The following DCT variants were observed in gnomAD, a reference collection of about 807,000 sequenced individuals.
DCT encodes the protein dopachrome tautomerase.
A neutral mutation model predicts 53.0 loss-of-function variants in DCT; 47 were observed. The ratio of observed to expected loss-of-function variants is 0.89; its 90% CI spans 0.70 to 1.13. The LOEUF is 1.13. Ranked by LOEUF, DCT falls within the 50% of genes most tolerant of loss-of-function variation. The pLI is 0.00. For synonymous variants in DCT, 244 were observed against 237.0 expected, an observed-to-expected ratio of 1.03 and a Z score of -0.27; for missense variants, 669 against 637.4, an observed-to-expected ratio of 1.05 and a Z score of -0.53.
rs767812669 is a variant in DCT at position 94,462,178 on chromosome 13, T to C, written c.875A>G (p.Tyr292Cys). Reference sequence around the variant, plus strand: ...ATTGCACAAGGTGACCAGGTGGTTGTAGTCATCCAAGCTAAGATTTGTAAT... The same window carrying C: ...ATTGCACAAGGTGACCAGGTGGTTGCAGTCATCCAAGCTAAGATTTGTAAT... ...WETVCDSLDDYNHLVTLCNGT... is the reference protein window; with the variant it reads ...WETVCDSLDDCNHLVTLCNGT... Residue 292 changes from tyrosine to cysteine, a missense_variant, in exon 5 of 8, where the codon TAC becomes TGC. Transcript: ENST00000377028. 5 of 1,612,016 alleles carry C rather than the reference T, an allele frequency of 3.1e-6. No homozygotes were observed. Among genetic ancestry groups the C allele is most frequent in the Non-Finnish European group, 4.2e-6 (5 of 1,178,448 alleles).
intron 6 of DCT, among the ~76,000 whole-genome samples, chr13:94,449,122 T>C (rs904081839): frequency 6.7e-6 from 1 of 150,362 alleles, no homozygotes; most frequent in Non-Finnish European, 1.5e-5. Flanking sequence ...GTAGAGGCCA[T>C]AATGGAAAAA....
At chr13:94,511,089 T>C in the DCT span, among the ~76,000 whole-genome samples, 2 of 152,214 alleles carry the variant, frequency 1.3e-5, no homozygotes, top group Non-Finnish European at 1.5e-5. Context: ...AAATCTCCTC[T>C]GTTTAAAAAT....
At chr13:94,458,210 G>A (rs184340152) in intron 6 of DCT, among the ~76,000 whole-genome samples, 1 of 152,146 alleles carries the variant, frequency 6.6e-6, no homozygotes, top group African/African-American at 2.4e-5. Flanking sequence ...ATAGAATCAG[G>A]AAGCATACCC....
upstream of DCT, among the ~76,000 whole-genome samples, chr13:94,480,184 A>T (rs1027710162): frequency 2.6e-5 from 4 of 152,146 alleles, no homozygotes; most frequent in Non-Finnish European, 5.9e-5. Flanking sequence ...TCTACGCAGC[A>T]ATTTTTTTTT....
chr13:94,513,987 CAAAAAA>C, the DCT span, among the ~76,000 whole-genome samples: 25 of 53,190 alleles, frequency 4.7e-4, no homozygotes, highest in Non-Finnish European at 8.1e-4. Flanking sequence ...AACTCTGTCT[CAAAAAA>C]AAAAAAAAAA....
the DCT span, among the ~76,000 whole-genome samples, chr13:94,490,515 A>AAAAAAAC: frequency 7.1e-6 from 1 of 140,348 alleles, no homozygotes; most frequent in Non-Finnish European, 1.6e-5. Flanking sequence ...AAAAAAAAAA[A>AAAAAAAC]AAAAAAAAAA....
chr13:94,507,083 C>G, the DCT span, among the ~76,000 whole-genome samples: 1 of 151,960 alleles, frequency 6.6e-6, no homozygotes, highest in East Asian at 1.9e-4. Flanking sequence ...CTGCACAGAC[C>G]AAGGAGAATA....
At chr13:94,457,464 C>T (rs1267707610) in intron 6 of DCT, among the ~76,000 whole-genome samples, 2 of 152,184 alleles carry the variant, frequency 1.3e-5, no homozygotes, top group Non-Finnish European at 2.9e-5. Context: ...CTTAGACCTC[C>T]TGGCCTCTAG....
At chr13:94,545,542 G>A in the DCT span, among the ~76,000 whole-genome samples, 2 of 152,010 alleles carry the variant, frequency 1.3e-5, no homozygotes, top group East Asian at 3.9e-4. Flanking sequence ...ATAATCACAT[G>A]GCTGCCGGCT....
intron 5 of DCT, among the ~76,000 whole-genome samples, chr13:94,460,906 T>TTC (rs1185044973): frequency 3.9e-5 from 6 of 152,102 alleles, no homozygotes; most frequent in African/African-American, 1.4e-4. Flanking sequence ...CAAAACTGGA[T>TTC]TCTCTCTCTC....
At position 94,468,826 on chromosome 13, in the gene DCT, G is replaced by A; in HGVS notation, c.515C>T (p.Thr172Ile). The change falls in exon 2 of 8, where the codon ACC (threonine) becomes ATC (isoleucine). Residue 172 changes from threonine (T) to isoleucine (I), a missense_variant. By Grantham distance (89) the Thr-to-Ile change is moderately conservative. Transcript: ENST00000377028. ...ACTGCAGTTGGCAAACTGCGGCTGG[G>A]TTCCATTGGGCCCAAGCAGGCCCAG... ...HWLGLLGPNGTQPQFANCSVY... is the reference protein window; with the variant it reads ...HWLGLLGPNGIQPQFANCSVY... 1 of 1,614,192 alleles carries A rather than the reference G, an allele frequency of 6.2e-7. No homozygotes were observed. Among genetic ancestry groups the A allele is most frequent in the Non-Finnish European group, 8.5e-7 (1 of 1,180,024 alleles).
chr13:94,449,200 A>G (rs182871988), intron 6 of DCT, among the ~76,000 whole-genome samples: 36 of 152,326 alleles, frequency 2.4e-4, no homozygotes, highest in Middle Eastern at 6.8e-3. Context: ...AAAGTAATCA[A>G]CCAACAAATA....
At chr13:94,487,303 A>C in the DCT span, among the ~76,000 whole-genome samples, 2 of 152,230 alleles carry the variant, frequency 1.3e-5, no homozygotes, top group African/African-American at 4.8e-5. Context: ...ATTAGAAAGC[A>C]ATTCATTTTA....
the DCT span, among the ~76,000 whole-genome samples, chr13:94,524,606 T>TA: frequency 6.6e-6 from 1 of 152,218 alleles, no homozygotes; most frequent in Admixed American, 6.5e-5. Context: ...GAGAGATTTT[T>TA]ATTGCATTTT....
the DCT span, among the ~76,000 whole-genome samples, chr13:94,485,722 AG>A: frequency 6.6e-6 from 1 of 152,206 alleles, no homozygotes; most frequent in African/African-American, 2.4e-5. Context: ...AAAATGGGAC[AG>A]GAAGTAATAA....
chr13:94,486,100 T>C, the DCT span, among the ~76,000 whole-genome samples: 70 of 152,276 alleles, frequency 4.6e-4, no homozygotes, highest in Middle Eastern at 3.4e-3. Flanking sequence ...GGTAACAAGC[T>C]CTGTGACAGA....
chr13:94,502,584 A>G, the DCT span, among the ~76,000 whole-genome samples: 1 of 152,194 alleles, frequency 6.6e-6, no homozygotes, highest in East Asian at 1.9e-4. Flanking sequence ...TACACCCAGC[A>G]GGCATCTGGC....
At chr13:94,442,768 G>A (rs578206750) in intron 7 of DCT, among the ~76,000 whole-genome samples, 24 of 152,254 alleles carry the variant, frequency 1.6e-4, no homozygotes, top group South Asian at 4.1e-4. Context: ...CCTATCCATC[G>A]CAGGTGGTAT....
upstream of DCT, among the ~76,000 whole-genome samples, chr13:94,483,551 G>A (rs527807831): frequency 6.6e-5 from 10 of 151,692 alleles, no homozygotes; most frequent in Non-Finnish European, 1.5e-4. Context: ...AACCCAGGCT[G>A]GAGTGCAGTG....
Sources: allele counts gnomAD v4.1 joint callset (sites outside exome capture counted in the v4.1 genomes callset), GRCh38; gene constraint gnomAD v4.1.1; transcripts MANE v1.5; gene names NCBI Gene and HGNC (gene_info 2026-07-23, HGNC 2026-07-21).